The following RASSF3 variants were observed in gnomAD, a reference collection of about 807,000 sequenced individuals.
RASSF3 encodes ras association domain-containing protein 3.
In RASSF3, 19 loss-of-function variants were observed where a neutral mutation model predicts 19.9. That is an observed-to-expected ratio of 0.96 (90% CI 0.67 to 1.40). The LOEUF is 1.40. Among genes scored for constraint, RASSF3 ranks in the 40% most tolerant of loss-of-function variants. The probability of loss-of-function intolerance (pLI) is 0.00; values close to 1 mark genes in which losing one functional copy is unlikely to be tolerated. For missense variants in RASSF3, 306 were observed against 289.8 expected (o/e 1.06, Z -0.41); for synonymous variants, 110 against 104.2 (o/e 1.06, Z -0.34).
At chr12:64,581,755 T>C (rs886327062) in intron 2 of RASSF3, among the ~76,000 whole-genome samples, 3 of 151,842 alleles carry the variant, frequency 2.0e-5, no homozygotes, top group Non-Finnish European at 4.4e-5. Context: ...TGTTTCTTCT[T>C]TTTAAATCTG....
At chr12:64,510,914 A>C (rs1478355173) in intron 1 of RASSF3, among the ~76,000 whole-genome samples, 1 of 152,186 alleles carries the variant, frequency 6.6e-6, no homozygotes, top group Non-Finnish European at 1.5e-5. Context: ...GAGCTGTGCT[A>C]CTTTGAGAGC....
intron 1 of RASSF3, among the ~76,000 whole-genome samples, chr12:64,645,890 A>G (rs1011672781): frequency 6.6e-6 from 1 of 152,202 alleles, no homozygotes; most frequent in South Asian, 2.1e-4. Context: ...GTTCACAATC[A>G]GTAATCTCCC....
At chr12:64,638,766 G>A (rs1035110690) in intron 1 of RASSF3, among the ~76,000 whole-genome samples, 6 of 152,030 alleles carry the variant, frequency 3.9e-5, no homozygotes, top group Admixed American at 1.3e-4. Flanking sequence ...AAGGATGTGT[G>A]GTGTCATATT....
intron 2 of RASSF3, among the ~76,000 whole-genome samples, chr12:64,576,216 C>T (rs751407635): frequency 1.6e-4 from 24 of 152,122 alleles, no homozygotes; most frequent in Non-Finnish European, 2.6e-4. Flanking sequence ...ACCAAAGGAA[C>T]AGAACTGAGG....
rs113980231 is a variant in RASSF3, at chr12:64,638,717, A to G, written c.111+27974A>G. ...TTCTCCCTGTCGTTTCCCCCAGTTCATTTTGATCATTGCCATCCATCTACT... is the reference window on the plus strand; with the variant it reads ...TTCTCCCTGTCGTTTCCCCCAGTTCGTTTTGATCATTGCCATCCATCTACT... On this transcript the variant is annotated intron_variant, in intron 1 of 4. Coordinates refer to ENST00000542104, the MANE Select transcript of RASSF3 (RefSeq NM_178169.4). 3.5e-3 allele frequency among the ~76,000 whole-genome samples: 531 copies of G among 151,912 alleles called. 4 individuals are homozygous for G. The highest frequency in any genetic ancestry group is 0.012 in the African/African-American group (497 of 41,426).
intron 2 of RASSF3, among the ~76,000 whole-genome samples, chr12:64,572,957 A>G (rs1251708075): frequency 1.3e-5 from 2 of 152,264 alleles, no homozygotes; most frequent in East Asian, 1.9e-4. Flanking sequence ...CTGGTCTCAA[A>G]CTCCTGACCT....
chr12:64,602,583 A>G (rs563019641), intron 2 of RASSF3, among the ~76,000 whole-genome samples: 1 of 151,198 alleles, frequency 6.6e-6, no homozygotes, highest in Non-Finnish European at 1.5e-5. Context: ...CCATCTCAAA[A>G]AAAAAAGAAA....
chr12:64,523,115 T>A (rs900620425), intron 1 of RASSF3, among the ~76,000 whole-genome samples: 3 of 152,092 alleles, frequency 2.0e-5, no homozygotes, highest in Non-Finnish European at 4.4e-5. Flanking sequence ...CTCAAAAAAA[T>A]AAGCTTCTGG....
intron 1 of RASSF3, among the ~76,000 whole-genome samples, chr12:64,612,171 G>A (rs1870390784): frequency 6.7e-6 from 1 of 148,898 alleles, no homozygotes; most frequent in Non-Finnish European, 1.5e-5. Context: ...TAGAAAAATT[G>A]CATTTGCTTA....
At chr12:64,586,323 C>CA (rs772277001) in intron 2 of RASSF3, among the ~76,000 whole-genome samples, 3,641 of 115,564 alleles carry the variant, frequency 0.032, 78 homozygotes, top group African/African-American at 0.069. Flanking sequence ...GACTCTGTGT[C>CA]AAAAAAAAAA....
chr12:64,669,564 A>G (rs73321778), intron 1 of RASSF3, among the ~76,000 whole-genome samples: 1,772 of 152,206 alleles, frequency 0.012, 38 homozygotes, highest in African/African-American at 0.041. Flanking sequence ...GGCGTTCATT[A>G]TGTTAAATTC....
chr12:64,651,574 G>A (rs1248668624), intron 1 of RASSF3, among the ~76,000 whole-genome samples: 1 of 152,070 alleles, frequency 6.6e-6, no homozygotes, highest in Non-Finnish European at 1.5e-5. Flanking sequence ...TGGCCAGGCT[G>A]GTCTTGAACT....
chr12:64,527,026 AT>A (rs1868602555), intron 1 of RASSF3, among the ~76,000 whole-genome samples: 1 of 152,254 alleles, frequency 6.6e-6, no homozygotes, highest in African/African-American at 2.4e-5. Context: ...TTCTTGATTA[AT>A]TCATCTGTCC....
chr12:64,514,863 T>C (rs1868351529), intron 1 of RASSF3, among the ~76,000 whole-genome samples: 1 of 152,196 alleles, frequency 6.6e-6, no homozygotes, highest in African/African-American at 2.4e-5. Context: ...CCCGATCTGA[T>C]GAACAGTAGG....
At chr12:64,581,894 A>C (rs530208420) in intron 2 of RASSF3, among the ~76,000 whole-genome samples, 1 of 150,708 alleles carries the variant, frequency 6.6e-6, no homozygotes, top group South Asian at 2.1e-4. Context: ...TTGAGACAAG[A>C]TCTCACTCTG....
intron 1 of RASSF3, among the ~76,000 whole-genome samples, chr12:64,644,623 G>A (rs1871666189): frequency 6.6e-6 from 1 of 152,188 alleles, no homozygotes; most frequent in Non-Finnish European, 1.5e-5. Flanking sequence ...CCTGAGCCCA[G>A]GAGGTTGAGG....
chr12:64,613,839 T>G (rs943721889), intron 1 of RASSF3, among the ~76,000 whole-genome samples: 1 of 151,978 alleles, frequency 6.6e-6, no homozygotes, highest in Non-Finnish European at 1.5e-5. Flanking sequence ...TCCCAGCTAC[T>G]CGGGAGACTG....
intron 1 of RASSF3, among the ~76,000 whole-genome samples, chr12:64,520,510 G>A (rs1405188147): frequency 6.7e-6 from 1 of 148,594 alleles, no homozygotes; most frequent in Non-Finnish European, 1.5e-5. Flanking sequence ...GTGTGAGTGT[G>A]CGTGCATATG....
At chr12:64,684,435 G>GT (rs56163162) in intron 1 of RASSF3, among the ~76,000 whole-genome samples, 27,866 of 131,096 alleles carry the variant, frequency 0.21, 3,330 homozygotes, top group South Asian at 0.32. Context: ...TTGTTTGTTT[G>GT]TTTTTTTTTT....
Sources: allele counts gnomAD v4.1 joint callset (sites outside exome capture counted in the v4.1 genomes callset), GRCh38; gene constraint gnomAD v4.1.1; transcripts MANE v1.5; gene names NCBI Gene and HGNC (gene_info 2026-07-23, HGNC 2026-07-21).